Variants in KIF3B observed in about 807,000 individuals in gnomAD.
KIF3B encodes the protein kinesin family member 3B.
Under a neutral mutation model 74.3 loss-of-function variants are expected in KIF3B, and 38 were observed. The ratio of observed to expected loss-of-function variants is 0.51; its 90% CI spans 0.39 to 0.67. The LOEUF is 0.67. Ranked by LOEUF, KIF3B falls within the 30% of genes least tolerant of loss-of-function variation. KIF3B has a pLI of 0.00. For missense variants in KIF3B, 649 were observed against 932.0 expected (o/e 0.70, Z 3.95); for synonymous variants, 326 against 342.5 (o/e 0.95, Z 0.53).
intron 7 of KIF3B, among the ~76,000 whole-genome samples, chr20:32,328,824 A>G (rs929162514): frequency 3.9e-5 from 6 of 152,174 alleles, no homozygotes; most frequent in African/African-American, 1.4e-4. Context: ...TTAAAGGGAC[A>G]TCATTGAGGA....
intron 1 of KIF3B, among the ~76,000 whole-genome samples, chr20:32,280,731 A>G (rs1188073104): frequency 6.6e-6 from 1 of 151,054 alleles, no homozygotes; most frequent in Non-Finnish European, 1.5e-5. Flanking sequence ...AAAAAAAAAA[A>G]AAAAAAAAAG....
chr20:32,291,986 C>T (rs1356772167), intron 1 of KIF3B, among the ~76,000 whole-genome samples: 2 of 151,816 alleles, frequency 1.3e-5, no homozygotes, highest in Admixed American at 6.6e-5. Context: ...GTAGTCAGAG[C>T]TCACTGCTGC....
At chr20:32,304,390 C>A (rs2047759089) in intron 1 of KIF3B, among the ~76,000 whole-genome samples, 1 of 152,208 alleles carries the variant, frequency 6.6e-6, no homozygotes, top group Admixed American at 6.5e-5. Context: ...TGTCATTGTT[C>A]TGCATATTTT....
At chr20:32,305,594 G>C (rs1187507650) in intron 1 of KIF3B, among the ~76,000 whole-genome samples, 1 of 37,586 alleles carries the variant, frequency 2.7e-5, no homozygotes, top group Non-Finnish European at 5.7e-5. Flanking sequence ...TTTTTTTTTT[G>C]TGTGTGTAGA....
intron 5 of KIF3B, among the ~76,000 whole-genome samples, chr20:32,317,788 C>T (rs987341794): frequency 2.0e-5 from 3 of 151,846 alleles, no homozygotes; most frequent in African/African-American, 7.3e-5. Flanking sequence ...CAGGTGTGTG[C>T]CACTATGCCC....
intron 5 of KIF3B, among the ~76,000 whole-genome samples, chr20:32,322,772 A>T (rs867322567): frequency 4.2e-4 from 20 of 47,436 alleles, no homozygotes; most frequent in African/African-American, 3.8e-3. Context: ...ATATATTTAT[A>T]TATATATTTA....
At chr20:32,296,727 T>C (rs2047719066) in intron 1 of KIF3B, among the ~76,000 whole-genome samples, 1 of 152,232 alleles carries the variant, frequency 6.6e-6, no homozygotes, top group South Asian at 2.1e-4. Flanking sequence ...TTCTTTCAGA[T>C]ATATTTTATG....
chr20:32,326,654 T>G, intron 5 of KIF3B, 117 bp from the exon 6 acceptor site: 1 of 629,182 alleles, frequency 1.6e-6, no homozygotes, highest in Non-Finnish European at 2.9e-6. Flanking sequence ...ACTTGCTGAG[T>G]AAATGTTTGC....
intron 1 of KIF3B, among the ~76,000 whole-genome samples, chr20:32,304,629 G>A (rs766646468): frequency 7.9e-5 from 12 of 152,284 alleles, no homozygotes; most frequent in Middle Eastern, 3.4e-3. Flanking sequence ...TGTATTTACC[G>A]AAGGAATGAA....
intron 5 of KIF3B, among the ~76,000 whole-genome samples, chr20:32,318,129 C>T (rs939684800): frequency 3.9e-5 from 6 of 151,972 alleles, no homozygotes; most frequent in Non-Finnish European, 5.9e-5. Flanking sequence ...TGGTGAAACC[C>T]CGTCTCTACT....
intron 1 of KIF3B, among the ~76,000 whole-genome samples, chr20:32,300,153 A>G (rs2047736635): frequency 6.6e-6 from 1 of 151,836 alleles, no homozygotes; most frequent in South Asian, 2.1e-4. Flanking sequence ...CCCAGGTTGG[A>G]GTGCAGTAGG....
intron 1 of KIF3B, among the ~76,000 whole-genome samples, chr20:32,297,234 C>T (rs2047721256): frequency 6.6e-6 from 1 of 152,220 alleles, no homozygotes; most frequent in Non-Finnish European, 1.5e-5. Context: ...TCTTAGAGGA[C>T]ATTGCTTTGG....
chr20:32,303,134 A>C (rs996298963), intron 1 of KIF3B, among the ~76,000 whole-genome samples: 2 of 152,210 alleles, frequency 1.3e-5, no homozygotes, highest in African/African-American at 4.8e-5. Context: ...TAATGACTAC[A>C]TTCCTGAAGG....
At chr20:32,317,353 T>C (rs994562550) in intron 5 of KIF3B, among the ~76,000 whole-genome samples, 4 of 152,132 alleles carry the variant, frequency 2.6e-5, no homozygotes, top group African/African-American at 9.6e-5. Context: ...GTTAACTGAA[T>C]GACTTCATCA....
At chr20:32,299,471 C>T (rs1426210188) in intron 1 of KIF3B, among the ~76,000 whole-genome samples, 5 of 132,926 alleles carry the variant, frequency 3.8e-5, no homozygotes, top group South Asian at 2.4e-4. Flanking sequence ...GGCACAGTGT[C>T]GCAATCTCAG....
rs1465259357 is a variant in KIF3B at position 32,331,155 on chromosome 20, A to G, written c.2148-68A>G. ...GAAGAATGGCCTGAAATGAAATGTT[A>G]ATGACATCTGATGTGTCAGGGACAG... On this transcript the variant is annotated intron_variant, in intron 8 of 8. Transcript: ENST00000375712. 3.5e-6 allele frequency: 4 copies of G among 1,143,776 alleles called. No homozygotes were observed. The East Asian group carries it at 9.6e-5, about 28-fold the overall frequency. The allele number at this position is 1,143,776 out of a possible 1,614,324, so 70.9% of individuals were successfully genotyped here. A position where few individuals can be genotyped will look rare whatever the true frequency, so the allele number is the denominator to read the frequency against.
At chr20:32,302,838 G>C (rs2047750804) in intron 1 of KIF3B, among the ~76,000 whole-genome samples, 1 of 152,122 alleles carries the variant, frequency 6.6e-6, no homozygotes, top group Non-Finnish European at 1.5e-5. Flanking sequence ...ATGAAAAGAC[G>C]CAGGAAACTG....
chr20:32,301,334 G>C (rs539518136), intron 1 of KIF3B, among the ~76,000 whole-genome samples: 9 of 149,382 alleles, frequency 6.0e-5, no homozygotes, highest in Non-Finnish European at 1.3e-4. Flanking sequence ...CAAAGTGCTG[G>C]GATTACAGGT....
intron 1 of KIF3B, among the ~76,000 whole-genome samples, chr20:32,305,321 G>A (rs924857382): frequency 6.6e-6 from 1 of 151,558 alleles, no homozygotes; most frequent in African/African-American, 2.4e-5. Flanking sequence ...CTGTCATCAC[G>A]CCACTGCACT....
Sources: allele counts gnomAD v4.1 joint callset (sites outside exome capture counted in the v4.1 genomes callset), GRCh38; gene constraint gnomAD v4.1.1; transcripts MANE v1.5; gene names NCBI Gene and HGNC (gene_info 2026-07-23, HGNC 2026-07-21).